Variants in PRKCZ observed in about 807,000 individuals in gnomAD.
PRKCZ encodes the protein protein kinase C zeta type.
A neutral mutation model predicts 79.5 loss-of-function variants in PRKCZ; 33 were observed. The ratio of observed to expected loss-of-function variants is 0.41; its 90% CI spans 0.31 to 0.55. The LOEUF (loss-of-function observed/expected upper bound fraction) is 0.55, where lower values mean the gene tolerates loss of function less well. Among genes scored for constraint, PRKCZ ranks in the 20% least tolerant of loss-of-function variants. The probability of loss-of-function intolerance (pLI) is 0.19; values close to 1 mark genes in which losing one functional copy is unlikely to be tolerated. For synonymous variants in PRKCZ, 342 were observed against 320.9 expected (o/e 1.07, Z -0.70); for missense variants, 578 against 813.5 (o/e 0.71, Z 3.52).
Position 2,185,348 on chromosome 1 carries a change from AGT to A in PRKCZ, c.*341_*342del. Reference sequence around the variant, plus strand: ...ATGCACTGACCTGCTCCGCCAGGAAAGTGAGCGTGTAGCGTCCTGAGGAATAA... The same window carrying A: ...ATGCACTGACCTGCTCCGCCAGGAAAGAGCGTGTAGCGTCCTGAGGAATAA... On this transcript the variant is annotated 3_prime_UTR_variant, in exon 18 of 18. Coordinates refer to ENST00000378567, the MANE Select transcript of PRKCZ (RefSeq NM_002744.6). The A allele has an allele frequency of 1.4e-6, 1 of 718,836 alleles. No individual in the cohort carries two copies. The highest frequency in any genetic ancestry group is 2.6e-6 in the Non-Finnish European group (1 of 385,148). 44.5% of individuals were successfully genotyped at this position (718,836 alleles called of 1,614,324 possible).
At chr1:2,104,828 G>A in intron 4 of PRKCZ, 1 of 985,764 alleles carries the variant, frequency 1.0e-6, no homozygotes, top group Non-Finnish European at 1.2e-6. Context: ...TTCCTCGCCG[G>A]GTGTTGCGGT....
At chr1:2,151,570 A>G (rs975832636) in intron 9 of PRKCZ, among the ~76,000 whole-genome samples, 2 of 152,234 alleles carry the variant, frequency 1.3e-5, no homozygotes, top group Non-Finnish European at 2.9e-5. Context: ...TTTGCAGTAC[A>G]TGCTGAGCTG....
At chr1:2,048,953 G>T (rs1659442197), upstream of PRKCZ, among the ~76,000 whole-genome samples, 1 of 152,186 alleles carries the variant, frequency 6.6e-6, no homozygotes, top group Non-Finnish European at 1.5e-5. Context: ...ATCACCTGAG[G>T]TCAGGAGTTC....
In PRKCZ at chr1:2,133,386, G is replaced by A. The variant is rs1264553115; in HGVS notation, c.335-1876G>A. Among the ~76,000 whole-genome samples the A allele has an allele frequency of 5.5e-5, 7 of 127,948 alleles. No homozygotes were observed. In the East Asian group the frequency reaches 1.6e-3, roughly 30 times the overall value. The allele number at this position is 127,948 out of a possible 152,430, so 83.9% of individuals were successfully genotyped here. A position where few individuals can be genotyped will look rare whatever the true frequency, so the allele number is the denominator to read the frequency against. The stretch of plus-strand genomic sequence containing the variant: ...CTCCGCCCCCTCGGCTGTGCGTCTG[G>A]CCCTCAGCTCCACCCCCAGCTGCGC... On this transcript the variant is annotated intron_variant, in intron 4 of 17. Transcript: ENST00000378567.
In PRKCZ at chr1:2,168,820, GT is replaced by G. The variant is rs915556861; in HGVS notation, c.975-697del. ...CTGACCTAAAAAAACCCGCCACAGG[GT>G]ATTTCTGGGAGATTGTATGAGAATT... is the stretch of plus-strand genomic sequence containing the variant. On this transcript the variant is annotated intron_variant, in intron 10 of 17. Transcript: ENST00000378567. The surrounding 1 kb of genome is among the most constrained non-coding windows in gnomAD (Gnocchi z 4.7). 4 of 204,604 alleles carry G rather than the reference GT, an allele frequency of 2.0e-5. No individual in the cohort carries two copies. The highest frequency in any genetic ancestry group is 9.3e-5 in the African/African-American group (4 of 42,902). 12.7% of individuals were successfully genotyped at this position (204,604 alleles called of 1,614,324 possible).
At chr1:2,181,621 C>T (rs1368452182) in intron 16 of PRKCZ, among the ~76,000 whole-genome samples, 1 of 152,142 alleles carries the variant, frequency 6.6e-6, no homozygotes, top group East Asian at 1.9e-4. Context: ...GTAACGCTGG[C>T]CCCTGGGGAT....
chr1:2,139,163 C>T (rs910498339), intron 5 of PRKCZ, among the ~76,000 whole-genome samples: 7 of 152,094 alleles, frequency 4.6e-5, no homozygotes, highest in Non-Finnish European at 1.0e-4. Context: ...ATGCTGGGAC[C>T]GAGAAGCTGA....
At chr1:2,086,390 G>A (rs1664527280) in intron 4 of PRKCZ, among the ~76,000 whole-genome samples, 1 of 152,116 alleles carries the variant, frequency 6.6e-6, no homozygotes, top group Non-Finnish European at 1.5e-5. Flanking sequence ...ACAGATGTGA[G>A]CCTCCGCACC....
At chr1:2,167,595 G>T (rs764617364) in intron 10 of PRKCZ, among the ~76,000 whole-genome samples, 11 of 152,050 alleles carry the variant, frequency 7.2e-5, no homozygotes, top group South Asian at 2.1e-4. Flanking sequence ...GGTTTTTGTG[G>T]TTTTTTGTAT....
At chr1:2,184,780 C>G in intron 17 of PRKCZ, 82 bp downstream of exon 17, 1 of 1,457,274 alleles carries the variant, frequency 6.9e-7, no homozygotes, top group Non-Finnish European at 9.4e-7. Context: ...GCTGGTGACC[C>G]AGCCTGCCCT....
chr1:2,097,563 G>A (rs1004986907), intron 4 of PRKCZ, among the ~76,000 whole-genome samples: 2 of 152,070 alleles, frequency 1.3e-5, no homozygotes, highest in Non-Finnish European at 2.9e-5. Context: ...CTGGAGCCCC[G>A]TGTTGTGTGC....
intron 4 of PRKCZ, among the ~76,000 whole-genome samples, chr1:2,113,473 G>A (rs1048223144): frequency 3.3e-5 from 5 of 152,220 alleles, no homozygotes; most frequent in African/African-American, 1.2e-4. Flanking sequence ...GCCAGCAGGT[G>A]AGGACCAGGG....
At chr1:2,111,410 AG>A (rs1175013535) in intron 4 of PRKCZ, among the ~76,000 whole-genome samples, 1 of 149,262 alleles carries the variant, frequency 6.7e-6, no homozygotes, top group Admixed American at 6.6e-5. Context: ...GGGCAGGATG[AG>A]GGGGCCAGAG....
chr1:2,090,711 G>A (rs1295295462), intron 4 of PRKCZ, among the ~76,000 whole-genome samples: 1 of 152,218 alleles, frequency 6.6e-6, no homozygotes, highest in African/African-American at 2.4e-5. Context: ...TGGCGTGGGC[G>A]CCCTGGGAGC....
chr1:2,114,690 C>G (rs565211710), intron 4 of PRKCZ, among the ~76,000 whole-genome samples: 1 of 152,110 alleles, frequency 6.6e-6, no homozygotes, highest in Admixed American at 6.5e-5. Context: ...AGGAGAATCG[C>G]TTGAACCCGG....
chr1:2,128,143 G>A lies in PRKCZ; in HGVS notation c.335-7119G>A, dbSNP rs1238928197. On this transcript the variant is annotated intron_variant, in intron 4 of 17. Coordinates refer to ENST00000378567, the MANE Select transcript of PRKCZ (RefSeq NM_002744.6). This position sits in a 1 kb window ranked among gnomAD's most constrained non-coding sequence, Gnocchi z 6.5. ...CACCCTGGCTTCTGGGGACCTCTGGGCCCAAGGGCACCTCACTGTCTCCTT... is the reference window on the plus strand; with the variant it reads ...CACCCTGGCTTCTGGGGACCTCTGGACCCAAGGGCACCTCACTGTCTCCTT... Among the ~76,000 whole-genome samples, 1 of 152,206 alleles carries A rather than the reference G, an allele frequency of 6.6e-6. No homozygotes were observed. Among genetic ancestry groups the A allele is most frequent in the East Asian group, 1.9e-4 (1 of 5,200 alleles).
chr1:2,109,231 G>A (rs1288483437), intron 4 of PRKCZ, among the ~76,000 whole-genome samples: 5 of 152,212 alleles, frequency 3.3e-5, no homozygotes, highest in South Asian at 4.1e-4. Flanking sequence ...GGGTGCTTCC[G>A]GATGCTTGGC....
chr1:2,169,356 G>GC (rs1420242382), intron 10 of PRKCZ, 162 bp from the exon 11 acceptor site: 1 of 696,212 alleles, frequency 1.4e-6, no homozygotes, highest in East Asian at 2.9e-5. Flanking sequence ...GTCCCCACCA[G>GC]CCCCTCTCTG....
Position 2,172,576 on chromosome 1 carries a change from A to G in PRKCZ, c.1285+188A>G, listed in dbSNP as rs1030343770. On this transcript the variant is annotated intron_variant, in intron 13 of 17. Transcript: ENST00000378567. This position sits in a 1 kb window ranked among gnomAD's most constrained non-coding sequence, Gnocchi z 7.8. ...GAATTCTGGAAAACCTCCCATGTCC[A>G]CTTGAGCAGCTCCTTGGGGAGGGCA... Among the ~76,000 whole-genome samples the G allele has an allele frequency of 6.6e-6, 1 of 152,106 alleles. No individual in the cohort carries two copies. Among genetic ancestry groups the G allele is most frequent in the African/African-American group, 2.4e-5 (1 of 41,422 alleles).
Sources: allele counts gnomAD v4.1 joint callset (sites outside exome capture counted in the v4.1 genomes callset), GRCh38; gene constraint gnomAD v4.1.1; non-coding constraint Gnocchi (gnomAD v3.1); transcripts MANE v1.5; gene names NCBI Gene and HGNC (gene_info 2026-07-23, HGNC 2026-07-21).